RBFOX1: variants seen among roughly 807,000 people sequenced by gnomAD.
The protein encoded by RBFOX1 is RNA binding protein fox-1 homolog 1.
RBFOX1 carries 8 observed loss-of-function variants against 57.7 expected under a neutral mutation model. The ratio of observed to expected loss-of-function variants is 0.14; its 90% CI spans 0.08 to 0.25. The LOEUF is 0.25. Among genes scored for constraint, RBFOX1 ranks in the 10% least tolerant of loss-of-function variants. The pLI, the probability that RBFOX1 is intolerant of heterozygous loss-of-function variation, is 1.00. For synonymous variants in RBFOX1, 326 were observed against 222.4 expected, an observed-to-expected ratio of 1.47 and a Z score of -4.15; for missense variants, 611 against 548.5, an observed-to-expected ratio of 1.11 and a Z score of -1.14.
intron 4 of RBFOX1, among the ~76,000 whole-genome samples, chr16:7,469,084 G>C (rs7197209): frequency 0.96 from 145,459 of 152,160 alleles, 69,600 homozygotes; most frequent in East Asian, 1. Flanking sequence ...CAGGTGCCCA[G>C]CACCATGCCC....
chr16:5,244,260 G>C (rs2141350), intron 1 of RBFOX1, among the ~76,000 whole-genome samples: 50,490 of 152,132 alleles, frequency 0.33, 8,348 homozygotes, highest in Admixed American at 0.35. Context: ...CATTTGGCTT[G>C]TCTAGACTCC....
intron 3 of RBFOX1, among the ~76,000 whole-genome samples, chr16:5,751,567 A>G (rs2053206087): frequency 6.6e-6 from 1 of 152,164 alleles, no homozygotes; most frequent in Non-Finnish European, 1.5e-5. Context: ...GAACTCTAGG[A>G]ATCAGAGAGG....
chr16:6,835,752 TAAAAAAAAA>T (rs56299805), intron 3 of RBFOX1, among the ~76,000 whole-genome samples: 3 of 76,984 alleles, frequency 3.9e-5, no homozygotes, highest in Admixed American at 1.5e-4. Flanking sequence ...AGACTCTGCT[TAAAAAAAAA>T]AAAAAAAAAA....
chr16:6,799,824 A>C (rs2084946175), intron 3 of RBFOX1, among the ~76,000 whole-genome samples: 2 of 152,090 alleles, frequency 1.3e-5, no homozygotes, highest in South Asian at 4.2e-4. Flanking sequence ...GACTTTAGCC[A>C]CAGACTGAAG....
chr16:5,756,741 G>A (rs1205640204), intron 3 of RBFOX1, among the ~76,000 whole-genome samples: 1 of 152,146 alleles, frequency 6.6e-6, no homozygotes, highest in Non-Finnish European at 1.5e-5. Context: ...TTGAGCCAAA[G>A]AGACCCCATG....
At chr16:7,636,462 G>C (rs1408267663) in intron 11 of RBFOX1, among the ~76,000 whole-genome samples, 1 of 152,104 alleles carries the variant, frequency 6.6e-6, no homozygotes, top group Non-Finnish European at 1.5e-5. Flanking sequence ...TGTTTACTAG[G>C]ATAACCTATG....
chr16:6,813,614 A>T (rs528934354), intron 3 of RBFOX1, among the ~76,000 whole-genome samples: 9 of 152,180 alleles, frequency 5.9e-5, no homozygotes, highest in Non-Finnish European at 1.0e-4. Context: ...AGGTGGCTCA[A>T]AATCAATCTG....
intron 4 of RBFOX1, among the ~76,000 whole-genome samples, chr16:7,262,764 TA>T (rs1258199016): frequency 6.6e-6 from 1 of 152,282 alleles, no homozygotes; most frequent in East Asian, 1.9e-4. Flanking sequence ...GCAGAAGAGT[TA>T]CTGCAAAGGC....
At chr16:6,183,847 G>A (rs959842385) in intron 1 of RBFOX1, among the ~76,000 whole-genome samples, 3 of 152,172 alleles carry the variant, frequency 2.0e-5, no homozygotes, top group African/African-American at 7.2e-5. Context: ...AGCATGTAGG[G>A]CTTTGAAGGT....
At chr16:6,968,890 G>C (rs532264227) in intron 3 of RBFOX1, among the ~76,000 whole-genome samples, 9 of 151,304 alleles carry the variant, frequency 5.9e-5, no homozygotes, top group Non-Finnish European at 1.3e-4. Context: ...TCTTGGCTCT[G>C]TGTCAGGATT....
At chr16:6,460,956 G>A (rs779355308) in intron 2 of RBFOX1, among the ~76,000 whole-genome samples, 7 of 152,120 alleles carry the variant, frequency 4.6e-5, no homozygotes, top group Admixed American at 2.6e-4. Context: ...CCTTTGCAAG[G>A]TCATGGATGA....
intron 2 of RBFOX1, among the ~76,000 whole-genome samples, chr16:6,582,071 C>G (rs900294793): frequency 1.4e-4 from 21 of 152,092 alleles, no homozygotes; most frequent in African/African-American, 4.6e-4. Flanking sequence ...GACCAGCTCC[C>G]CACCCAACAA....
At chr16:6,180,161 T>C (rs2097051465) in intron 1 of RBFOX1, among the ~76,000 whole-genome samples, 1 of 152,194 alleles carries the variant, frequency 6.6e-6, no homozygotes. Context: ...GATTTCTTCC[T>C]CTTCTATTCT....
intron 3 of RBFOX1, among the ~76,000 whole-genome samples, chr16:7,051,578 C>A (rs1463627365): frequency 6.6e-6 from 1 of 152,188 alleles, no homozygotes; most frequent in Non-Finnish European, 1.5e-5. Context: ...AGAACTGGAC[C>A]ATAAAATGTA....
chr16:5,256,406 C>G (rs1423370920), intron 1 of RBFOX1, among the ~76,000 whole-genome samples: 1 of 152,200 alleles, frequency 6.6e-6, no homozygotes, highest in East Asian at 1.9e-4. Flanking sequence ...CACCTGTCCT[C>G]ACATGTCCTC....
chr16:5,358,660 C>G (rs567082279), intron 1 of RBFOX1, among the ~76,000 whole-genome samples: 3 of 152,276 alleles, frequency 2.0e-5, no homozygotes, highest in Middle Eastern at 3.4e-3. Flanking sequence ...CCTGTCTCTA[C>G]TAAAAATACA....
intron 6 of RBFOX1, among the ~76,000 whole-genome samples, chr16:7,581,210 T>C (rs1204637863): frequency 6.6e-6 from 1 of 152,198 alleles, no homozygotes; most frequent in Non-Finnish European, 1.5e-5. Flanking sequence ...CTTGCACTTT[T>C]ATCTCTCTCA....
chr16:5,800,180 C>CTAAGGG lies in RBFOX1; in HGVS notation c.319-67116_319-67111dup, dbSNP rs774640636. On this transcript the variant is annotated intron_variant, in intron 3 of 19. Transcript: ENST00000641259. ...TGTTCCAGAAAAAGTAGGAAATATGCTAAGGGTAAGGGAAGGGGAAGTATA... is the reference window on the plus strand; with the variant it reads ...TGTTCCAGAAAAAGTAGGAAATATGCTAAGGGTAAGGGTAAGGGAAGGGGAAGTATA... 3.3e-3 allele frequency among the ~76,000 whole-genome samples: 505 copies of CTAAGGG among 152,044 alleles called. 1 individual carries two copies. The highest frequency in any genetic ancestry group is 6.1e-3 in the Non-Finnish European group (417 of 67,996).
At chr16:5,257,989 C>G (rs191056344) in intron 1 of RBFOX1, among the ~76,000 whole-genome samples, 107 of 152,218 alleles carry the variant, frequency 7.0e-4, no homozygotes, top group African/African-American at 2.4e-3. Flanking sequence ...GGTGATCCTC[C>G]CACCTCAGCC....
Sources: gnomAD v4.1 joint callset for allele counts (sites outside exome capture counted in the v4.1 genomes callset) on GRCh38, gnomAD v4.1.1 for gene constraint, MANE v1.5 for transcripts, NCBI Gene and HGNC (gene_info 2026-07-23, HGNC 2026-07-21) for gene names.